CDH13: variants seen among roughly 807,000 people sequenced by gnomAD.
CDH13 encodes cadherin-13.
CDH13 carries 24 observed loss-of-function variants against 63.8 expected under a neutral mutation model. The ratio of observed to expected loss-of-function variants is 0.38; its 90% CI spans 0.27 to 0.53. CDH13 has a LOEUF of 0.53. Ranked by LOEUF, CDH13 falls within the 20% of genes least tolerant of loss-of-function variation. The probability of loss-of-function intolerance (pLI) is 0.85; values close to 1 mark genes in which losing one functional copy is unlikely to be tolerated. For missense variants in CDH13, 1,049 were observed against 903.1 expected, an observed-to-expected ratio of 1.16 and a Z score of -2.07; for synonymous variants, 503 against 355.3, an observed-to-expected ratio of 1.42 and a Z score of -4.67.
intron 7 of CDH13, among the ~76,000 whole-genome samples, chr16:83,499,828 G>A (rs1047348893): frequency 6.6e-6 from 1 of 151,212 alleles, no homozygotes; most frequent in African/African-American, 2.4e-5. Flanking sequence ...TTGAGACGAA[G>A]TCTCGCTATT....
At chr16:83,486,030 C>A (rs538038203) in intron 6 of CDH13, among the ~76,000 whole-genome samples, 93 of 152,244 alleles carry the variant, frequency 6.1e-4, no homozygotes, top group African/African-American at 2.0e-3. Flanking sequence ...GTAATCCCAG[C>A]TACTTAGGAG....
intron 6 of CDH13, among the ~76,000 whole-genome samples, chr16:83,453,824 C>T (rs1184278860): frequency 1.3e-5 from 2 of 152,168 alleles, no homozygotes; most frequent in Admixed American, 6.5e-5. Context: ...CTCCCCAAAT[C>T]AGCCTGCTCT....
At chr16:82,650,643 C>T (rs901207845) in intron 1 of CDH13, among the ~76,000 whole-genome samples, 5 of 152,274 alleles carry the variant, frequency 3.3e-5, no homozygotes, top group African/African-American at 9.6e-5. Context: ...GCTCTCCTCC[C>T]ACATCCCCCT....
intron 1 of CDH13, among the ~76,000 whole-genome samples, chr16:82,819,468 C>T (rs1216811574): frequency 6.6e-6 from 1 of 152,168 alleles, no homozygotes; most frequent in Non-Finnish European, 1.5e-5. Context: ...GCTGCCTGTC[C>T]CACTGTTCCT....
intron 5 of CDH13, among the ~76,000 whole-genome samples, chr16:83,280,201 T>C (rs1219988360): frequency 6.6e-6 from 1 of 152,218 alleles, no homozygotes; most frequent in Non-Finnish European, 1.5e-5. Flanking sequence ...CTGCAGAACT[T>C]GTTCCAAAAT....
At chr16:83,372,683 C>T (rs1342038110) in intron 6 of CDH13, among the ~76,000 whole-genome samples, 3 of 143,642 alleles carry the variant, frequency 2.1e-5, no homozygotes, top group Non-Finnish European at 4.5e-5. Flanking sequence ...ATCCGGGAGG[C>T]AGAGGTTGCA....
intron 8 of CDH13, among the ~76,000 whole-genome samples, chr16:83,662,063 A>C (rs1254861182): frequency 6.6e-6 from 1 of 152,172 alleles, no homozygotes; most frequent in Non-Finnish European, 1.5e-5. Flanking sequence ...GACATCAGTG[A>C]GGGGGACATT....
At chr16:83,033,755 C>T (rs1022770475) in intron 3 of CDH13, among the ~76,000 whole-genome samples, 1 of 152,178 alleles carries the variant, frequency 6.6e-6, no homozygotes, top group Non-Finnish European at 1.5e-5. Context: ...CTGCCTTCTT[C>T]ACCAGGAGCT....
intron 1 of CDH13, among the ~76,000 whole-genome samples, chr16:82,858,156 TG>T (rs1335345070): frequency 2.6e-5 from 4 of 152,242 alleles, no homozygotes; most frequent in African/African-American, 9.6e-5. Flanking sequence ...TAATGGAAAC[TG>T]CAGCAGCTGT....
intron 5 of CDH13, among the ~76,000 whole-genome samples, chr16:83,342,292 C>G (rs1424010565): frequency 6.6e-6 from 1 of 152,162 alleles, no homozygotes; most frequent in Non-Finnish European, 1.5e-5. Context: ...TTATCTTGTT[C>G]ATATCTTTTT....
intron 6 of CDH13, among the ~76,000 whole-genome samples, chr16:83,387,610 A>G (rs78669147): frequency 1.3e-5 from 2 of 152,252 alleles, no homozygotes; most frequent in Non-Finnish European, 2.9e-5. Flanking sequence ...ATTAAGAGCT[A>G]CAAAATTATC....
intron 6 of CDH13, among the ~76,000 whole-genome samples, chr16:83,432,056 G>C (rs1336926296): frequency 2.0e-5 from 3 of 152,164 alleles, no homozygotes; most frequent in African/African-American, 7.2e-5. Context: ...CAGGTAGAAG[G>C]CTTCTGCAAT....
intron 10 of CDH13, among the ~76,000 whole-genome samples, chr16:83,715,216 C>G (rs548653256): frequency 2.6e-5 from 4 of 152,268 alleles, no homozygotes; most frequent in African/African-American, 9.6e-5. Context: ...TTGGGCTATT[C>G]CCGTACATAG....
At chr16:83,353,573 T>C (rs187270320) in intron 6 of CDH13, among the ~76,000 whole-genome samples, 2 of 152,398 alleles carry the variant, frequency 1.3e-5, no homozygotes, top group Admixed American at 1.3e-4. Context: ...TGAATAACTG[T>C]GAAAACAACT....
chr16:82,911,528 C>A (rs559560548), intron 2 of CDH13, among the ~76,000 whole-genome samples: 1 of 152,310 alleles, frequency 6.6e-6, no homozygotes, highest in Non-Finnish European at 1.5e-5. Context: ...CCTTCCTCTT[C>A]TCTAACTCTG....
At chr16:82,835,514 A>G (rs1019264896) in intron 1 of CDH13, among the ~76,000 whole-genome samples, 1 of 152,192 alleles carries the variant, frequency 6.6e-6, no homozygotes, top group Non-Finnish European at 1.5e-5. Context: ...CAGTTGCTGT[A>G]GCCCTTGATT....
At chr16:82,758,893 A>C (rs2034724575) in intron 1 of CDH13, among the ~76,000 whole-genome samples, 1 of 152,154 alleles carries the variant, frequency 6.6e-6, no homozygotes, top group Non-Finnish European at 1.5e-5. Flanking sequence ...AAATCTCTGA[A>C]GCCTCGGCCA....
chr16:83,462,169 T>C (rs536343072), intron 6 of CDH13, among the ~76,000 whole-genome samples: 1 of 152,350 alleles, frequency 6.6e-6, no homozygotes, highest in Admixed American at 6.5e-5. Flanking sequence ...CTTGCAGTTC[T>C]TCAAGCAGCC....
intron 7 of CDH13, among the ~76,000 whole-genome samples, chr16:83,493,483 C>T (rs1264543002): frequency 3.3e-5 from 5 of 152,192 alleles, no homozygotes; most frequent in Non-Finnish European, 7.3e-5. Context: ...GTCGACAGCA[C>T]ACGCATGCAA....
Sources: allele counts gnomAD v4.1 joint callset (sites outside exome capture counted in the v4.1 genomes callset), GRCh38; gene constraint gnomAD v4.1.1; transcripts MANE v1.5; gene names NCBI Gene and HGNC (gene_info 2026-07-23, HGNC 2026-07-21).